The following SH3BGRL2 variants were observed in gnomAD, a reference collection of about 807,000 sequenced individuals.
SH3BGRL2 encodes SH3 domain-binding glutamic acid-rich-like protein 2.
A neutral mutation model predicts 14.8 loss-of-function variants in SH3BGRL2; 21 were observed. The ratio of observed to expected loss-of-function variants is 1.42; its 90% CI spans 1.01 to 2.05. SH3BGRL2 has a LOEUF of 2.05. Ranked by LOEUF, SH3BGRL2 falls within the 30% of genes most tolerant of loss-of-function variation. The pLI is 0.00. For missense variants in SH3BGRL2, 147 were observed against 130.8 expected (o/e 1.12, Z -0.61); for synonymous variants, 50 against 47.8 (o/e 1.05, Z -0.19).
At chr6:79,616,216 A>G in the SH3BGRL2 span, among the ~76,000 whole-genome samples, 1 of 152,180 alleles carries the variant, frequency 6.6e-6, no homozygotes, top group Admixed American at 6.6e-5. Flanking sequence ...TTGAACAGCT[A>G]TTAATGACAC....
chr6:79,607,110 G>A, the SH3BGRL2 span, among the ~76,000 whole-genome samples: 4 of 152,126 alleles, frequency 2.6e-5, no homozygotes, highest in African/African-American at 4.8e-5. Context: ...ACAACGTTCC[G>A]TTTCTCACAT....
At chr6:79,661,953 C>A (rs1769558454) in intron 1 of SH3BGRL2, among the ~76,000 whole-genome samples, 1 of 152,002 alleles carries the variant, frequency 6.6e-6, no homozygotes, top group Non-Finnish European at 1.5e-5. Flanking sequence ...AGGATTGCAG[C>A]CCCCGCTTTT....
the SH3BGRL2 span, among the ~76,000 whole-genome samples, chr6:79,545,282 C>A: frequency 6.6e-6 from 1 of 152,112 alleles, no homozygotes; most frequent in African/African-American, 2.4e-5. Flanking sequence ...TGTCAGATGC[C>A]CGTACTTCAG....
chr6:79,559,038 G>A, the SH3BGRL2 span, among the ~76,000 whole-genome samples: 2 of 152,162 alleles, frequency 1.3e-5, no homozygotes, highest in Non-Finnish European at 2.9e-5. Flanking sequence ...AATAAGTATA[G>A]TAATGTGTAT....
the SH3BGRL2 span, chr6:79,574,235 A>T: frequency 6.6e-6 from 1 of 152,216 alleles, no homozygotes; most frequent in African/African-American, 2.4e-5. Flanking sequence ...GAGAAATGAC[A>T]GGACAAAGGA....
the SH3BGRL2 span, among the ~76,000 whole-genome samples, chr6:79,597,324 GAAAA>G: frequency 6.8e-6 from 1 of 146,058 alleles, no homozygotes; most frequent in Admixed American, 7.0e-5. Context: ...AAAGAGAAAA[GAAAA>G]GAAAAGAAAA....
At chr6:79,624,829 A>G in the SH3BGRL2 span, among the ~76,000 whole-genome samples, 3 of 151,504 alleles carry the variant, frequency 2.0e-5, no homozygotes, top group Non-Finnish European at 4.4e-5. Context: ...TTTTCCTGTC[A>G]GATAAAATAA....
At chr6:79,655,501 G>T (rs2127727613) in intron 1 of SH3BGRL2, among the ~76,000 whole-genome samples, 1 of 151,848 alleles carries the variant, frequency 6.6e-6, no homozygotes, top group African/African-American at 2.4e-5. Context: ...CAGGATATTT[G>T]CAGAATTGTC....
intron 1 of SH3BGRL2, among the ~76,000 whole-genome samples, chr6:79,668,537 G>A (rs1038386582): frequency 2.6e-5 from 4 of 152,040 alleles, no homozygotes; most frequent in Non-Finnish European, 5.9e-5. Context: ...CCATTCAGTG[G>A]CCAACAAGGC....
the SH3BGRL2 span, among the ~76,000 whole-genome samples, chr6:79,579,362 T>C: frequency 6.6e-6 from 1 of 151,990 alleles, no homozygotes; most frequent in Non-Finnish European, 1.5e-5. Context: ...TTCACCAAGG[T>C]TGAAATGAAG....
At chr6:79,556,699 C>T in the SH3BGRL2 span, among the ~76,000 whole-genome samples, 1 of 151,856 alleles carries the variant, frequency 6.6e-6, no homozygotes, top group South Asian at 2.1e-4. Flanking sequence ...TATACAAGCA[C>T]ACAATTCTTA....
At chr6:79,639,404 C>T (rs1448480583) in intron 1 of SH3BGRL2, among the ~76,000 whole-genome samples, 2 of 152,146 alleles carry the variant, frequency 1.3e-5, no homozygotes, top group African/African-American at 4.8e-5. Context: ...GCCTGGGCAA[C>T]ATGGCAAAAC....
intron 1 of SH3BGRL2, among the ~76,000 whole-genome samples, chr6:79,654,861 T>G (rs1769372851): frequency 6.6e-6 from 1 of 152,162 alleles, no homozygotes; most frequent in African/African-American, 2.4e-5. Flanking sequence ...CTGATTCTAT[T>G]ATGGCTTGCC....
chr6:79,655,572 G>T (rs931823859), intron 1 of SH3BGRL2, among the ~76,000 whole-genome samples: 2 of 151,928 alleles, frequency 1.3e-5, no homozygotes, highest in Non-Finnish European at 2.9e-5. Flanking sequence ...CACCCCTTTA[G>T]CAACGGGTCC....
At chr6:79,609,012 C>G in the SH3BGRL2 span, among the ~76,000 whole-genome samples, 1 of 152,186 alleles carries the variant, frequency 6.6e-6, no homozygotes, top group Non-Finnish European at 1.5e-5. Context: ...GTGTAGCACT[C>G]TATGGTCTTA....
At chr6:79,652,815 G>T (rs963734192) in intron 1 of SH3BGRL2, among the ~76,000 whole-genome samples, 1 of 152,026 alleles carries the variant, frequency 6.6e-6, no homozygotes, top group Non-Finnish European at 1.5e-5. Flanking sequence ...ATTTTTGCCT[G>T]CTGATATGTA....
chr6:79,639,270 G>A (rs1258855252), intron 1 of SH3BGRL2, among the ~76,000 whole-genome samples: 1 of 152,094 alleles, frequency 6.6e-6, no homozygotes, highest in Non-Finnish European at 1.5e-5. Flanking sequence ...ATGACTTACT[G>A]ATCACTATAT....
the SH3BGRL2 span, among the ~76,000 whole-genome samples, chr6:79,551,173 G>A: frequency 1.3e-5 from 2 of 152,284 alleles, no homozygotes; most frequent in East Asian, 3.9e-4. Flanking sequence ...ACATTTTGAA[G>A]GAATATTTCT....
chr6:79,552,759 T>TA, the SH3BGRL2 span: 1 of 152,212 alleles, frequency 6.6e-6, no homozygotes, highest in Admixed American at 6.5e-5. Flanking sequence ...CAGTAAAGTT[T>TA]AAAAAGCATT....
Sources: allele counts gnomAD v4.1 joint callset (sites outside exome capture counted in the v4.1 genomes callset), GRCh38; gene constraint gnomAD v4.1.1; transcripts MANE v1.5; gene names NCBI Gene and HGNC (gene_info 2026-07-23, HGNC 2026-07-21).